Variants in PXDNL observed in about 807,000 individuals in gnomAD.
PXDNL encodes peroxidasin like, also known as probable oxidoreductase PXDNL.
PXDNL carries 145 observed loss-of-function variants against 150.8 expected under a neutral mutation model. That is an observed-to-expected ratio of 0.96 (90% confidence interval 0.84 to 1.10). The LOEUF (loss-of-function observed/expected upper bound fraction) is 1.10, where lower values mean the gene tolerates loss of function less well. Ranked by LOEUF, PXDNL falls within the 50% of genes least tolerant of loss-of-function variation. The pLI is 0.00. For missense variants in PXDNL, 2,087 were observed against 1,873.9 expected, an observed-to-expected ratio of 1.11 and a Z score of -2.10; for synonymous variants, 757 against 725.7, an observed-to-expected ratio of 1.04 and a Z score of -0.69.
intron 19 of PXDNL, among the ~76,000 whole-genome samples, chr8:51,352,432 T>C (rs1319983248): frequency 1.3e-5 from 2 of 152,080 alleles, no homozygotes; most frequent in African/African-American, 2.4e-5. Flanking sequence ...ACATCTCTAA[T>C]TGTAAGCCCC....
intron 8 of PXDNL, among the ~76,000 whole-genome samples, chr8:51,464,639 G>C (rs1384681251): frequency 6.6e-6 from 1 of 152,054 alleles, no homozygotes; most frequent in Non-Finnish European, 1.5e-5. Flanking sequence ...CCAGGAAGAA[G>C]CTGAAACCCT....
chr8:51,554,107 C>T (rs116346477), intron 4 of PXDNL, among the ~76,000 whole-genome samples: 2,673 of 152,206 alleles, frequency 0.018, 85 homozygotes, highest in African/African-American at 0.06. Context: ...AAAGACTTAT[C>T]GTGTGAGGTT....
At chr8:51,608,852 A>AAAAAAAG (rs1813935656) in intron 2 of PXDNL, among the ~76,000 whole-genome samples, 1 of 149,374 alleles carries the variant, frequency 6.7e-6, no homozygotes, top group African/African-American at 2.5e-5. Context: ...AAAAAAAAAA[A>AAAAAAAG]AAAAAAAGAA....
At chr8:51,610,492 G>C (rs558339627) in intron 2 of PXDNL, among the ~76,000 whole-genome samples, 1 of 152,104 alleles carries the variant, frequency 6.6e-6, no homozygotes, top group South Asian at 2.1e-4. Flanking sequence ...AATATTCCTG[G>C]AAGAAATTTA....
rs879573502 is a variant in PXDNL at position 51,426,473 on chromosome 8, T to TA, written c.1638+172dup. On this transcript the variant is annotated intron_variant, in intron 13 of 22. Transcript: ENST00000356297. ...TGAACCAAAATCAGATAGAGTCACT[T>TA]AAAAAAAAAAAAGAAGAAACAGGAA... Among the ~76,000 whole-genome samples the TA allele has an allele frequency of 7.8e-4, 113 of 144,160 alleles. 1 individual carries two copies. The highest frequency in any genetic ancestry group is 3.2e-3 in the East Asian group (16 of 5,020). 94.6% of individuals were successfully genotyped at this position (144,160 alleles called of 152,430 possible).
At chr8:51,676,791 A>T (rs114001737) in intron 1 of PXDNL, among the ~76,000 whole-genome samples, 5,077 of 152,228 alleles carry the variant, frequency 0.033, 293 homozygotes, top group African/African-American at 0.12. Flanking sequence ...ATGTATTATC[A>T]AGCTCAGTGT....
intron 4 of PXDNL, among the ~76,000 whole-genome samples, chr8:51,517,012 T>G (rs1485566549): frequency 6.6e-6 from 1 of 152,224 alleles, no homozygotes; most frequent in Admixed American, 6.5e-5. Flanking sequence ...CTGTATATTC[T>G]TCCTTTTACT....
intron 1 of PXDNL, among the ~76,000 whole-genome samples, chr8:51,714,712 T>A (rs1272952152): frequency 6.6e-6 from 1 of 152,176 alleles, no homozygotes; most frequent in Non-Finnish European, 1.5e-5. Context: ...AACATAGGTA[T>A]TTGTTCCATT....
intron 17 of PXDNL, among the ~76,000 whole-genome samples, chr8:51,404,466 C>G (rs1808376692): frequency 6.7e-6 from 1 of 149,714 alleles, no homozygotes; most frequent in South Asian, 2.1e-4. Flanking sequence ...AGATTAGCCA[C>G]ATACAGAGTG....
intron 2 of PXDNL, among the ~76,000 whole-genome samples, chr8:51,609,805 T>C (rs1813957925): frequency 6.6e-6 from 1 of 152,106 alleles, no homozygotes; most frequent in South Asian, 2.1e-4. Flanking sequence ...CTTCACAGGA[T>C]TTGGGGAAGC....
At chr8:51,714,004 A>G (rs1264313439) in intron 1 of PXDNL, among the ~76,000 whole-genome samples, 1 of 152,200 alleles carries the variant, frequency 6.6e-6, no homozygotes, top group Non-Finnish European at 1.5e-5. Context: ...AAATGAAGAA[A>G]ATTTTACAAA....
At chr8:51,733,317 CT>C (rs895498712) in intron 1 of PXDNL, among the ~76,000 whole-genome samples, 1 of 152,214 alleles carries the variant, frequency 6.6e-6, no homozygotes, top group African/African-American at 2.4e-5. Context: ...AGGCTATGGG[CT>C]TCCAAAATGT....
At chr8:51,672,279 G>T (rs1486700273) in intron 1 of PXDNL, among the ~76,000 whole-genome samples, 4 of 152,202 alleles carry the variant, frequency 2.6e-5, no homozygotes, top group Middle Eastern at 3.2e-3. Flanking sequence ...ACCGTGCCTG[G>T]CTTCAAATCA....
intron 1 of PXDNL, among the ~76,000 whole-genome samples, chr8:51,787,087 A>G (rs1073372): frequency 0.71 from 102,871 of 145,864 alleles, 41,728 homozygotes; most frequent in Non-Finnish European, 0.9. Context: ...CTACTGCTGC[A>G]ACCTACTTCC....
chr8:51,516,603 T>A (rs537529737), intron 4 of PXDNL, among the ~76,000 whole-genome samples: 3 of 152,332 alleles, frequency 2.0e-5, no homozygotes, highest in South Asian at 4.1e-4. Flanking sequence ...TTTTACAATA[T>A]TAGCATTTTC....
chr8:51,473,721 T>C (rs1414407385), intron 7 of PXDNL, among the ~76,000 whole-genome samples: 2 of 142,208 alleles, frequency 1.4e-5, no homozygotes, highest in Admixed American at 7.2e-5. Context: ...TGAGCACACA[T>C]ACCCTAAAAC....
intron 1 of PXDNL, among the ~76,000 whole-genome samples, chr8:51,807,704 C>T (rs1364771932): frequency 6.6e-6 from 1 of 152,212 alleles, no homozygotes; most frequent in African/African-American, 2.4e-5. Flanking sequence ...ACACTGACAA[C>T]ATCACTTCAG....
At position 51,589,069 on chromosome 8, in the gene PXDNL, C is replaced by T. The variant is rs7816855; in HGVS notation, c.308+3558G>A. 3.3e-5 allele frequency among the ~76,000 whole-genome samples: 5 copies of T among 152,104 alleles called. No homozygotes were observed. In the South Asian group the frequency reaches 1.0e-3, roughly 32 times the overall value. On this transcript the variant is annotated intron_variant, in intron 3 of 22. Coordinates refer to ENST00000356297, the MANE Select transcript of PXDNL (RefSeq NM_144651.5). ...ACAGGAGTAAGTTGGTTATCACAGACGTTTGGCCCTTTTTCTCTCTGTCTT... is the reference window on the plus strand; with the variant it reads ...ACAGGAGTAAGTTGGTTATCACAGATGTTTGGCCCTTTTTCTCTCTGTCTT...
intron 1 of PXDNL, among the ~76,000 whole-genome samples, chr8:51,771,993 G>A (rs969137875): frequency 1.3e-5 from 2 of 152,008 alleles, no homozygotes; most frequent in Non-Finnish European, 2.9e-5. Context: ...AGTGGGTCAT[G>A]TGAGGAGGTG....
Sources: gnomAD v4.1 joint callset for allele counts (sites outside exome capture counted in the v4.1 genomes callset) on GRCh38, gnomAD v4.1.1 for gene constraint, MANE v1.5 for transcripts, NCBI Gene and HGNC (gene_info 2026-07-23, HGNC 2026-07-21) for gene names.